The following STARD13 variants were observed in gnomAD, a reference collection of about 807,000 sequenced individuals.
STARD13 encodes the protein StAR related lipid transfer domain containing 13.
Under a neutral mutation model 106.4 loss-of-function variants are expected in STARD13, and 62 were observed. That is an observed-to-expected ratio of 0.58 (90% CI 0.48 to 0.72). The LOEUF is 0.72. Ranked by LOEUF, STARD13 falls within the 30% of genes least tolerant of loss-of-function variation. The pLI is 0.00. For synonymous variants in STARD13, 565 were observed against 553.0 expected (o/e 1.02, Z -0.31); for missense variants, 1,387 against 1,424.0 (o/e 0.97, Z 0.42).
chr13:33,217,623 T>G (rs916293369), intron 1 of STARD13, among the ~76,000 whole-genome samples: 4 of 152,168 alleles, frequency 2.6e-5, no homozygotes, highest in African/African-American at 9.7e-5. Context: ...CTCACTGGGC[T>G]GGCATCAGAA....
At chr13:33,309,804 A>G (rs1227331890) in intron 1 of STARD13, among the ~76,000 whole-genome samples, 3 of 152,204 alleles carry the variant, frequency 2.0e-5, no homozygotes, top group Non-Finnish European at 4.4e-5. Context: ...TGTATGGTAC[A>G]GAAAGAGTCT....
chr13:33,667,976 G>T, the STARD13 span, among the ~76,000 whole-genome samples: 8 of 152,330 alleles, frequency 5.3e-5, 2 homozygotes, highest in Non-Finnish European at 1.5e-5. Context: ...TTTGAACCCT[G>T]TTCAAATAAG....
chr13:33,586,778 T>G, the STARD13 span, among the ~76,000 whole-genome samples: 5,570 of 152,228 alleles, frequency 0.037, 264 homozygotes, highest in African/African-American at 0.1. Flanking sequence ...CCTAGCACCT[T>G]CATTAATCCC....
At chr13:33,241,369 A>G (rs1889483066) in intron 1 of STARD13, among the ~76,000 whole-genome samples, 1 of 152,186 alleles carries the variant, frequency 6.6e-6, no homozygotes, top group Non-Finnish European at 1.5e-5. Context: ...TAAAACCGTA[A>G]TTGATATTAA....
chr13:33,129,189 G>A lies in STARD13; in HGVS notation c.1488C>T (p.Leu496=). The change falls in exon 5 of 14, where the codon CTC becomes CTT. Residue 496 remains leucine (L), a synonymous_variant. Coordinates refer to ENST00000336934, the MANE Select transcript of STARD13 (RefSeq NM_178006.4). Reference sequence around the variant, plus strand: ...TGGACCAGTCATCGACTACCTCTTGGAGCCCATTGACATGCTGCAGAATGT... The same window carrying A: ...TGGACCAGTCATCGACTACCTCTTGAAGCCCATTGACATGCTGCAGAATGT... ...LDDILQHVNG[L]QEVVDDWSKD... The A allele has an allele frequency of 6.2e-7, 1 of 1,614,136 alleles. No homozygotes were observed. Among genetic ancestry groups the A allele is most frequent in the Non-Finnish European group, 8.5e-7 (1 of 1,180,032 alleles).
the STARD13 span, among the ~76,000 whole-genome samples, chr13:33,368,720 T>G: frequency 6.6e-6 from 1 of 151,562 alleles, no homozygotes; most frequent in Non-Finnish European, 1.5e-5. Flanking sequence ...AGAATGAGAG[T>G]CTGGACAGAA....
intron 7 of STARD13, 67 bp downstream of exon 7, chr13:33,126,014 G>C: frequency 6.4e-7 from 1 of 1,568,864 alleles, no homozygotes; most frequent in East Asian, 2.3e-5. Flanking sequence ...GACTCAGTCT[G>C]ACATCCCCTC....
chr13:33,256,666 A>G (rs1042322910), intron 1 of STARD13, among the ~76,000 whole-genome samples: 1 of 152,236 alleles, frequency 6.6e-6, no homozygotes, highest in Non-Finnish European at 1.5e-5. Context: ...ACAAACCAGA[A>G]TCAGTTCAAA....
chr13:33,516,515 T>C, the STARD13 span, among the ~76,000 whole-genome samples: 1 of 152,112 alleles, frequency 6.6e-6, no homozygotes, highest in African/African-American at 2.4e-5. Context: ...GGAATCCATA[T>C]CCAAAGTTAA....
At chr13:33,511,415 G>GA in the STARD13 span, 1 of 152,028 alleles carries the variant, frequency 6.6e-6, no homozygotes, top group African/African-American at 2.4e-5. Flanking sequence ...AATCTGTAGG[G>GA]AAAACAAAAA....
intron 7 of STARD13, among the ~76,000 whole-genome samples, chr13:33,124,171 TC>T (rs1163422321): frequency 6.6e-6 from 1 of 152,172 alleles, no homozygotes; most frequent in Admixed American, 6.6e-5. Context: ...TCTCTAGTTC[TC>T]CCCTTTTCCT....
At chr13:33,628,235 A>G in the STARD13 span, among the ~76,000 whole-genome samples, 3 of 149,688 alleles carry the variant, frequency 2.0e-5, no homozygotes, top group South Asian at 2.1e-4. Context: ...TTTTTCTTTT[A>G]TTTATCCCAG....
At chr13:33,547,330 T>A in the STARD13 span, among the ~76,000 whole-genome samples, 1,527 of 152,360 alleles carry the variant, frequency 0.01, 19 homozygotes, top group African/African-American at 0.034. Flanking sequence ...TGTGTCAGTT[T>A]CAGTAACGTT....
rs779453835 is a variant in STARD13 at position 33,105,554 on chromosome 13, C to T, written c.*39G>A. On this transcript the variant is annotated 3_prime_UTR_variant, in exon 14 of 14. Coordinates refer to ENST00000336934, the MANE Select transcript of STARD13 (RefSeq NM_178006.4). ...CTCTCTGCCACACTCGTCACTTTAG[C>T]TTCCTCTTCCCTGAGTTTGATGTCA... The T allele has an allele frequency of 4.2e-6, 6 of 1,432,916 alleles. No homozygotes were observed. Among genetic ancestry groups the T allele is most frequent in the Non-Finnish European group, 5.9e-6 (6 of 1,014,448 alleles). The allele number at this position is 1,432,916 out of a possible 1,614,324, so 88.8% of individuals were successfully genotyped here.
intron 7 of STARD13, among the ~76,000 whole-genome samples, chr13:33,121,742 GAT>G (rs1449887441): frequency 1.4e-5 from 2 of 146,008 alleles, no homozygotes; most frequent in Non-Finnish European, 3.0e-5. Context: ...GCAGTAGCAT[GAT>G]CTCAGCTCAA....
At chr13:33,238,599 T>C (rs925202046) in intron 1 of STARD13, among the ~76,000 whole-genome samples, 1 of 152,146 alleles carries the variant, frequency 6.6e-6, no homozygotes, top group Non-Finnish European at 1.5e-5. Flanking sequence ...GTTTCAGTTT[T>C]AGGAAGCAAG....
intron 1 of STARD13, among the ~76,000 whole-genome samples, chr13:33,329,790 A>C (rs1594270266): frequency 7.2e-6 from 1 of 139,838 alleles, no homozygotes; most frequent in East Asian, 2.1e-4. Context: ...TGCAACCTCC[A>C]CCTCCCGGGT....
intron 2 of STARD13, among the ~76,000 whole-genome samples, 180 bp from the exon 3 acceptor site, chr13:33,165,598 C>T (rs1883225892): frequency 1.3e-5 from 2 of 152,152 alleles, no homozygotes; most frequent in Admixed American, 1.3e-4. Context: ...TTTAGGAGTA[C>T]AATATAAGTG....
At chr13:33,245,892 A>C (rs1889802107) in intron 1 of STARD13, among the ~76,000 whole-genome samples, 1 of 152,190 alleles carries the variant, frequency 6.6e-6, no homozygotes, top group Non-Finnish European at 1.5e-5. Flanking sequence ...GGAGTTGATT[A>C]AATTAACTGG....
Sources: gnomAD v4.1 joint callset for allele counts (sites outside exome capture counted in the v4.1 genomes callset) on GRCh38, gnomAD v4.1.1 for gene constraint, MANE v1.5 for transcripts, NCBI Gene and HGNC (gene_info 2026-07-23, HGNC 2026-07-21) for gene names.